Variants in PTP4A3 observed in about 807,000 individuals in gnomAD.
PTP4A3 encodes the protein protein tyrosine phosphatase type IVA 3.
Under a neutral mutation model 15.2 loss-of-function variants are expected in PTP4A3, and 9 were observed. That is an observed-to-expected ratio of 0.59 (90% CI 0.36 to 1.03). The LOEUF is 1.03. PTP4A3 is among the 50% of genes least tolerant of loss of function. PTP4A3 has a pLI of 0.02. For synonymous variants in PTP4A3, 95 were observed against 102.0 expected, an observed-to-expected ratio of 0.93 and a Z score of 0.41; for missense variants, 234 against 252.1, an observed-to-expected ratio of 0.93 and a Z score of 0.49.
rs931318407 is a variant in PTP4A3, at chr8:141,406,124, G to A, written c.-854+14040G>A. ...GTCGAGGACACTGGTGGGGGCAGTG[G>A]TGGGGATACCCAGGATGCCAGATGG... On this transcript the variant is annotated intron_variant, in intron 1 of 5. Transcript: ENST00000521578. The surrounding 1 kb of genome is among the most constrained non-coding windows in gnomAD (Gnocchi z 4.5). Among the ~76,000 whole-genome samples the A allele has an allele frequency of 1.3e-5, 2 of 152,184 alleles. No homozygotes were observed. The highest frequency in any genetic ancestry group is 2.9e-5 in the Non-Finnish European group (2 of 68,028).
At chr8:141,420,816 C>T (rs908068806) in intron 1 of PTP4A3, among the ~76,000 whole-genome samples, 3 of 152,224 alleles carry the variant, frequency 2.0e-5, no homozygotes, top group East Asian at 1.9e-4. Flanking sequence ...GGGTGGCCCA[C>T]GGCCGCGTGT....
Position 141,430,592 on chromosome 8 carries a change from G to A in PTP4A3, c.405-335G>A, listed in dbSNP as rs149673111. The stretch of plus-strand genomic sequence containing the variant: ...CAGGCCCCCCTTCCTGGATGGTGGA[G>A]GTGCCCAGGCACCACCCTTGTTGTC... On this transcript the variant is annotated intron_variant, in intron 5 of 5. Coordinates refer to ENST00000521578, the MANE Select transcript of PTP4A3 (RefSeq NM_032611.3). Among the ~76,000 whole-genome samples the A allele has an allele frequency of 7.6e-4, 116 of 152,340 alleles. 1 individual carries two copies. Among genetic ancestry groups the A allele is most frequent in the African/African-American group, 2.6e-3 (109 of 41,574 alleles).
At chr8:141,413,367 C>T (rs1217663186) in intron 1 of PTP4A3, among the ~76,000 whole-genome samples, 1 of 152,230 alleles carries the variant, frequency 6.6e-6, no homozygotes, top group Non-Finnish European at 1.5e-5. Flanking sequence ...ATGTGGGTGG[C>T]ATGGCACTGG....
intron 5 of PTP4A3, among the ~76,000 whole-genome samples, chr8:141,429,377 C>G (rs945270943): frequency 1.3e-5 from 2 of 152,270 alleles, no homozygotes; most frequent in Non-Finnish European, 2.9e-5. Flanking sequence ...GTGGGCAGCC[C>G]CCGCCCCTCA....
intron 1 of PTP4A3, among the ~76,000 whole-genome samples, chr8:141,395,127 C>T (rs1031360178): frequency 2.0e-5 from 3 of 152,188 alleles, no homozygotes; most frequent in South Asian, 2.1e-4. Context: ...ATCAGGGCTA[C>T]GTGGACACAG....
chr8:141,407,186 T>C (rs1832751928), intron 1 of PTP4A3, among the ~76,000 whole-genome samples: 1 of 152,196 alleles, frequency 6.6e-6, no homozygotes, highest in Non-Finnish European at 1.5e-5. Flanking sequence ...GTCCCCACAG[T>C]CCACATGCTG....
At chr8:141,400,491 C>T (rs1187773157) in intron 1 of PTP4A3, among the ~76,000 whole-genome samples, 4 of 152,242 alleles carry the variant, frequency 2.6e-5, no homozygotes, top group African/African-American at 9.6e-5. Context: ...GACTGGGGTC[C>T]TCTCCCGATG....
At chr8:141,426,445 C>T (rs1211968688) in intron 3 of PTP4A3, 6 of 985,318 alleles carry the variant, frequency 6.1e-6, no homozygotes, top group South Asian at 4.7e-5. Context: ...GGCCCTGTCT[C>T]GCCCCACAGC....
chr8:141,422,058 C>T lies in PTP4A3; in HGVS notation c.-183C>T. On this transcript the variant is annotated 5_prime_UTR_variant, in exon 2 of 6. Coordinates refer to ENST00000521578, the MANE Select transcript of PTP4A3 (RefSeq NM_032611.3). ...AAACAGTGGGCAGCTTCCTCCCCCACACCCAAGTATTTGCACAATATTTGT... is the reference window on the plus strand; with the variant it reads ...AAACAGTGGGCAGCTTCCTCCCCCATACCCAAGTATTTGCACAATATTTGT... The T allele has an allele frequency of 1.8e-6, 1 of 550,216 alleles. No homozygotes were observed. The allele number at this position is 550,216 out of a possible 1,614,324, so 34.1% of individuals were successfully genotyped here. A position where few individuals can be genotyped will look rare whatever the true frequency, so the allele number is the denominator to read the frequency against.
chr8:141,423,722 G>T (rs28501627), intron 2 of PTP4A3, among the ~76,000 whole-genome samples: 1 of 151,132 alleles, frequency 6.6e-6, no homozygotes, highest in African/African-American at 2.4e-5. Flanking sequence ...GACCAGGGTC[G>T]AAGCTCAGTG....
Position 141,406,343 on chromosome 8 carries a change from T to G in PTP4A3, c.-854+14259T>G. 6.6e-6 allele frequency among the ~76,000 whole-genome samples: 1 copy of G among 152,234 alleles called. No homozygotes were observed. On this transcript the variant is annotated intron_variant, in intron 1 of 5. Coordinates refer to ENST00000521578, the MANE Select transcript of PTP4A3 (RefSeq NM_032611.3). This position sits in a 1 kb window ranked among gnomAD's most constrained non-coding sequence, Gnocchi z 4.5. Reference sequence around the variant, plus strand: ...GCCTGGACTGGGGATTGTGGAGGCCTGTCCGTGCCCTGAAGCACTTCTGAG... The same window carrying G: ...GCCTGGACTGGGGATTGTGGAGGCCGGTCCGTGCCCTGAAGCACTTCTGAG...
At chr8:141,428,927 TCA>T (rs1486870625) in intron 5 of PTP4A3, among the ~76,000 whole-genome samples, 3 of 152,200 alleles carry the variant, frequency 2.0e-5, no homozygotes, top group Non-Finnish European at 4.4e-5. Flanking sequence ...ACATGCACTC[TCA>T]CACATGCGGG....
intron 1 of PTP4A3, among the ~76,000 whole-genome samples, chr8:141,414,783 C>T (rs1218227312): frequency 6.6e-6 from 1 of 151,860 alleles, no homozygotes; most frequent in Non-Finnish European, 1.5e-5. Flanking sequence ...GAGGTAGAGT[C>T]CTGGGGGCTG....
chr8:141,422,134 G>A lies in PTP4A3; in HGVS notation c.-107G>A. On this transcript the variant is annotated 5_prime_UTR_variant, in exon 2 of 6. Transcript: ENST00000521578. Reference sequence around the variant, plus strand: ...ATCTCGTTTCTCTTGGACAAGCACAGGGATCTCGTTCTCCTCATTTTTTGG... The same window carrying A: ...ATCTCGTTTCTCTTGGACAAGCACAAGGATCTCGTTCTCCTCATTTTTTGG... The A allele has an allele frequency of 1.9e-6, 2 of 1,037,926 alleles. No homozygotes were observed. Among genetic ancestry groups the A allele is most frequent in the Non-Finnish European group, 2.9e-6 (2 of 680,436 alleles). 64.3% of individuals were successfully genotyped at this position (1,037,926 alleles called of 1,614,324 possible). A position where few individuals can be genotyped will look rare whatever the true frequency, so the allele number is the denominator to read the frequency against.
intron 4 of PTP4A3, 131 bp downstream of exon 4, chr8:141,427,200 T>G: frequency 1.1e-5 from 14 of 1,319,024 alleles, no homozygotes; most frequent in Non-Finnish European, 1.4e-5. Flanking sequence ...ATGCCCCTAG[T>G]GCTGGGGCTC....
intron 1 of PTP4A3, among the ~76,000 whole-genome samples, chr8:141,395,479 C>G (rs1586531523): frequency 2.6e-5 from 4 of 152,318 alleles, no homozygotes; most frequent in Admixed American, 2.6e-4. Flanking sequence ...GCTCAGGGCT[C>G]AGCTGGGGTC....
Position 141,418,958 on chromosome 8 carries a change from C to T in PTP4A3, c.-853-2430C>T, listed in dbSNP as rs1005935003. ...GGTGCCAGGGCATCATTGCTTTGCT[C>T]TCACCTGGGGCAGGGGTAGGGGCCC... is the stretch of plus-strand genomic sequence containing the variant. On this transcript the variant is annotated intron_variant, in intron 1 of 5. Transcript: ENST00000521578. Among the ~76,000 whole-genome samples the T allele has an allele frequency of 2.6e-5, 4 of 152,160 alleles. No individual in the cohort carries two copies. The East Asian group carries it at 5.8e-4, about 22-fold the overall frequency.
intron 1 of PTP4A3, 192 bp downstream of exon 1, chr8:141,392,276 G>T (rs1306738333): frequency 6.6e-6 from 1 of 151,944 alleles, no homozygotes. Flanking sequence ...CGGCGGGAAC[G>T]TGGGCCTGGA....
intron 2 of PTP4A3, 50 bp downstream of exon 2, chr8:141,422,395 G>A: frequency 1.9e-6 from 3 of 1,600,102 alleles, no homozygotes; most frequent in Non-Finnish European, 2.6e-6. Context: ...TGTCTGGGAA[G>A]CCCGGCTGAG....
Sources: gnomAD v4.1 joint callset for allele counts (sites outside exome capture counted in the v4.1 genomes callset) on GRCh38, gnomAD v4.1.1 for gene constraint, Gnocchi (gnomAD v3.1) non-coding constraint, MANE v1.5 for transcripts, NCBI Gene and HGNC (gene_info 2026-07-23, HGNC 2026-07-21) for gene names.